Variants in PAQR5 observed in about 807,000 individuals in gnomAD.
The protein encoded by PAQR5 is progestin and adipoQ receptor family member 5, also known as membrane progestin receptor gamma.
In PAQR5, 20 loss-of-function variants were observed where a neutral mutation model predicts 34.5. The ratio of observed to expected loss-of-function variants is 0.58; its 90% CI spans 0.41 to 0.84. PAQR5 has a LOEUF of 0.84. Ranked by LOEUF, PAQR5 falls within the 40% of genes least tolerant of loss-of-function variation. The pLI is 0.00. For synonymous variants in PAQR5, 131 were observed against 155.6 expected (o/e 0.84, Z 1.18); for missense variants, 378 against 412.7 (o/e 0.92, Z 0.73).
At chr15:69,325,803 C>T (rs1043312515) in intron 1 of PAQR5, among the ~76,000 whole-genome samples, 4 of 152,188 alleles carry the variant, frequency 2.6e-5, no homozygotes. Context: ...TCTACCTCTC[C>T]ACCCACCGCA....
At chr15:69,305,368 A>G (rs2053691255) in intron 1 of PAQR5, among the ~76,000 whole-genome samples, 2 of 152,106 alleles carry the variant, frequency 1.3e-5, no homozygotes, top group Non-Finnish European at 2.9e-5. Context: ...CCCCTGTTTC[A>G]TGAATGTGGA....
chr15:69,332,653 T>C (rs1377598763), intron 1 of PAQR5, among the ~76,000 whole-genome samples: 2 of 152,008 alleles, frequency 1.3e-5, no homozygotes, highest in Non-Finnish European at 2.9e-5. Flanking sequence ...GTTTTATTTA[T>C]GAAACTTTGC....
rs71149911 is a variant in PAQR5 at position 69,363,547 on chromosome 15, TTG to T, written c.51+3418_51+3419del. Among the ~76,000 whole-genome samples, 678 of 119,094 alleles carry T rather than the reference TTG, an allele frequency of 5.7e-3. 188 individuals carry two copies. The highest frequency in any genetic ancestry group is 0.012 in the East Asian group (45 of 3,874). 78.1% of individuals were successfully genotyped at this position (119,094 alleles called of 152,430 possible). ...CAAATTGCTAATCTGTTTTTTGTTTTTGTTTTTTTTTTTTTTTGAGACAGAGT... is the reference window on the plus strand; with the variant it reads ...CAAATTGCTAATCTGTTTTTTGTTTTTTTTTTTTTTTTTTTGAGACAGAGT... On this transcript the variant is annotated intron_variant, in intron 3 of 8. Coordinates refer to ENST00000395407, the MANE Select transcript of PAQR5 (RefSeq NM_017705.4).
At chr15:69,323,266 T>C (rs1441543362) in intron 1 of PAQR5, among the ~76,000 whole-genome samples, 1 of 152,212 alleles carries the variant, frequency 6.6e-6, no homozygotes, top group Non-Finnish European at 1.5e-5. Flanking sequence ...GTGCTTGATA[T>C]AGGTCTACTA....
chr15:69,355,545 C>T (rs1301993079), intron 2 of PAQR5, among the ~76,000 whole-genome samples: 1 of 151,712 alleles, frequency 6.6e-6, no homozygotes, highest in African/African-American at 2.4e-5. Flanking sequence ...CTCAGCCTCC[C>T]AAGTAGCAGG....
chr15:69,399,868 T>A, intron 7 of PAQR5, 106 bp from the exon 8 acceptor site: 1 of 1,127,086 alleles, frequency 8.9e-7, no homozygotes, highest in Non-Finnish European at 1.3e-6. Context: ...TGCTAACATG[T>A]GTGGGTGTCA....
chr15:69,334,789 G>T (rs1038647436), intron 1 of PAQR5, among the ~76,000 whole-genome samples: 2 of 151,996 alleles, frequency 1.3e-5, no homozygotes, highest in African/African-American at 4.8e-5. Flanking sequence ...ATGTAATTTT[G>T]TCTACTTCAG....
intron 1 of PAQR5, among the ~76,000 whole-genome samples, chr15:69,319,991 G>A (rs77511823): frequency 0.02 from 3,018 of 152,318 alleles, 110 homozygotes; most frequent in East Asian, 0.15. Flanking sequence ...CAGACTTCAA[G>A]TTTCTGATCA....
chr15:69,348,180 T>G (rs2054822312), intron 2 of PAQR5, among the ~76,000 whole-genome samples: 1 of 152,136 alleles, frequency 6.6e-6, no homozygotes, highest in Admixed American at 6.5e-5. Context: ...TCTGTTTTCC[T>G]CTCAATAAAA....
intron 2 of PAQR5, among the ~76,000 whole-genome samples, chr15:69,348,741 G>A (rs1184040396): frequency 6.2e-5 from 9 of 144,744 alleles, no homozygotes; most frequent in African/African-American, 8.7e-5. Context: ...CTCCAGAGAC[G>A]GTAGGTTTTT....
rs1361401991 is a variant in PAQR5 at position 69,300,943 on chromosome 15, CTTTCCTTCTT to C, written c.-277+1889_-277+1898del. On this transcript the variant is annotated intron_variant, in intron 1 of 8. Transcript: ENST00000395407. ...TCTCTCTCTCTCTCTCTCTCTCTTTCTTTCCTTCTTTCTTTCTTTCTTTCTTTCTTTCTTT... is the reference window on the plus strand; with the variant it reads ...TCTCTCTCTCTCTCTCTCTCTCTTTCTCTTTCTTTCTTTCTTTCTTTCTTT... Among the ~76,000 whole-genome samples, 18 of 44,624 alleles carry C rather than the reference CTTTCCTTCTT, an allele frequency of 4.0e-4. 1 individual carries two copies. The highest frequency in any genetic ancestry group is 1.1e-3 in the African/African-American group (16 of 14,338). 29.3% of individuals were successfully genotyped at this position (44,624 alleles called of 152,430 possible).
intron 6 of PAQR5, among the ~76,000 whole-genome samples, chr15:69,396,246 C>A (rs1281804339): frequency 6.7e-6 from 1 of 149,006 alleles, no homozygotes; most frequent in Non-Finnish European, 1.5e-5. Context: ...CAGGTGAAAT[C>A]GGTCTGGGCT....
chr15:69,335,964 G>A (rs537135487), intron 1 of PAQR5, among the ~76,000 whole-genome samples: 7 of 152,158 alleles, frequency 4.6e-5, no homozygotes, highest in African/African-American at 1.7e-4. Context: ...TTTTGAAGAC[G>A]ATTTTTATGT....
intron 1 of PAQR5, among the ~76,000 whole-genome samples, chr15:69,301,998 A>T (rs1421022555): frequency 6.7e-6 from 1 of 149,668 alleles, no homozygotes; most frequent in African/African-American, 2.5e-5. Flanking sequence ...AGGTTTGTGC[A>T]TGGGCTTGAG....
chr15:69,330,748 A>G (rs1296598786), intron 1 of PAQR5, among the ~76,000 whole-genome samples: 1 of 152,204 alleles, frequency 6.6e-6, no homozygotes, highest in Non-Finnish European at 1.5e-5. Flanking sequence ...TATTTGAGTA[A>G]TGATAAAACT....
chr15:69,300,622 T>TC (rs1566985253), intron 1 of PAQR5, among the ~76,000 whole-genome samples: 12 of 53,314 alleles, frequency 2.3e-4, no homozygotes, highest in East Asian at 1.0e-3. Flanking sequence ...TCTTTCTTTC[T>TC]TTCTTTCTTT....
chr15:69,394,514 A>G (rs1271271332), intron 6 of PAQR5, among the ~76,000 whole-genome samples: 1 of 152,232 alleles, frequency 6.6e-6, no homozygotes, highest in Admixed American at 6.5e-5. Flanking sequence ...AAGGCCCGCT[A>G]GTTTCAAGCC....
chr15:69,391,272 C>A (rs1334639350), intron 6 of PAQR5: 1 of 154,804 alleles, frequency 6.5e-6, no homozygotes, highest in East Asian at 1.9e-4. Context: ...GCAAGTTTCA[C>A]AAGGGAGAGC....
intron 3 of PAQR5, among the ~76,000 whole-genome samples, chr15:69,365,576 A>G (rs896475559): frequency 1.3e-5 from 2 of 152,068 alleles, no homozygotes; most frequent in Non-Finnish European, 2.9e-5. Context: ...TCTTTAATCT[A>G]TTGCTAGAGT....
Sources: gnomAD v4.1 joint callset for allele counts (sites outside exome capture counted in the v4.1 genomes callset) on GRCh38, gnomAD v4.1.1 for gene constraint, MANE v1.5 for transcripts, NCBI Gene and HGNC (gene_info 2026-07-23, HGNC 2026-07-21) for gene names.